The following HBS1L variants were observed in gnomAD, a reference collection of about 807,000 sequenced individuals.
HBS1L encodes the protein HBS1-like protein.
In HBS1L, 55 loss-of-function variants were observed where a neutral mutation model predicts 88.9. That is an observed-to-expected ratio of 0.62 (90% CI 0.50 to 0.77). The LOEUF (loss-of-function observed/expected upper bound fraction) is 0.77. Among genes scored for constraint, HBS1L ranks in the 30% least tolerant of loss-of-function variants. The pLI, the probability that HBS1L is intolerant of heterozygous loss-of-function variation, is 0.00. For missense variants in HBS1L, 741 were observed against 829.3 expected, an observed-to-expected ratio of 0.89 and a Z score of 1.31; for synonymous variants, 267 against 288.5, an observed-to-expected ratio of 0.93 and a Z score of 0.76.
intron 15 of HBS1L, among the ~76,000 whole-genome samples, chr6:134,972,931 AACTT>A (rs1774531102): frequency 6.6e-6 from 1 of 152,186 alleles, no homozygotes; most frequent in Non-Finnish European, 1.5e-5. Context: ...ACTACTAGAA[AACTT>A]GTTATTTAAT....
intron 2 of HBS1L, among the ~76,000 whole-genome samples, chr6:135,048,804 G>C (rs1453963259): frequency 6.6e-6 from 1 of 152,142 alleles, no homozygotes; most frequent in Non-Finnish European, 1.5e-5. Flanking sequence ...ATTAAAAGAT[G>C]AGAGGAAAAG....
intron 5 of HBS1L, among the ~76,000 whole-genome samples, chr6:135,002,390 C>T (rs1039418607): frequency 4.6e-5 from 7 of 152,124 alleles, no homozygotes; most frequent in African/African-American, 7.2e-5. Context: ...CGGGGACTCA[C>T]TCCAAAATCT....
intron 10 of HBS1L, 88 bp downstream of exon 10, chr6:134,986,648 A>C: frequency 1.9e-6 from 1 of 531,996 alleles, no homozygotes; most frequent in Non-Finnish European, 3.2e-6. Context: ...AATAAATTTA[A>C]TAAGAATATC....
chr6:134,985,465 C>A (rs1774953412), intron 11 of HBS1L, 56 bp from the exon 12 acceptor site: 1 of 1,114,884 alleles, frequency 9.0e-7, no homozygotes, highest in Non-Finnish European at 1.3e-6. Flanking sequence ...ATTTTTGACT[C>A]ACTTCAATAA....
chr6:134,969,412 T>A, intron 15 of HBS1L, 74 bp from the exon 16 acceptor site: 1 of 895,660 alleles, frequency 1.1e-6, no homozygotes, highest in Non-Finnish European at 1.8e-6. Flanking sequence ...CACTTATACT[T>A]AATTATCTTC....
At chr6:135,045,890 A>G (rs1455148639) in intron 2 of HBS1L, among the ~76,000 whole-genome samples, 1 of 152,092 alleles carries the variant, frequency 6.6e-6, no homozygotes, top group Non-Finnish European at 1.5e-5. Flanking sequence ...TAAGATTAAG[A>G]AACACTGGTG....
intron 2 of HBS1L, among the ~76,000 whole-genome samples, chr6:135,042,377 A>G (rs561478728): frequency 1.3e-5 from 2 of 152,250 alleles, no homozygotes; most frequent in South Asian, 4.1e-4. Context: ...CATTCCACTC[A>G]GCCTACTTTC....
intron 4 of HBS1L, among the ~76,000 whole-genome samples, chr6:135,004,260 TAAAA>T (rs11336026): frequency 5.6e-4 from 75 of 134,852 alleles, no homozygotes; most frequent in African/African-American, 1.9e-3. Context: ...TACTAAATGA[TAAAA>T]AAAAAAAAAA....
At chr6:135,011,948 GA>G (rs1250217906) in intron 4 of HBS1L, among the ~76,000 whole-genome samples, 4 of 138,006 alleles carry the variant, frequency 2.9e-5, no homozygotes, top group African/African-American at 8.0e-5. Context: ...AAACTAGTGA[GA>G]AAAAAACTCC....
intron 4 of HBS1L, among the ~76,000 whole-genome samples, chr6:135,006,106 C>T (rs569886375): frequency 1.3e-5 from 2 of 152,234 alleles, no homozygotes; most frequent in South Asian, 4.1e-4. Context: ...ACAGAGAAGA[C>T]ATTAACTGCT....
chr6:135,037,670 A>G (rs1257270619), intron 4 of HBS1L: 1 of 1,550,748 alleles, frequency 6.4e-7, no homozygotes, highest in Non-Finnish European at 8.7e-7. Context: ...TGAGGTCTCA[A>G]CAAATCGGCA....
rs1775403263 is a variant in HBS1L at position 134,999,994 on chromosome 6, A to T, written c.540-2338T>A. On this transcript the variant is annotated intron_variant, in intron 5 of 17. Transcript: ENST00000367837. ...ACTGACTGGTATGAATGAAAGAATA[A>T]GTTGGTTGGATTTTTTTCAGGTGCT... Among the ~76,000 whole-genome samples the T allele has an allele frequency of 3.3e-5, 5 of 152,216 alleles. No homozygotes were observed. In the South Asian group the frequency reaches 1.0e-3, roughly 32 times the overall value.
At chr6:134,981,168 T>A (rs1284108447) in intron 13 of HBS1L, among the ~76,000 whole-genome samples, 2 of 151,898 alleles carry the variant, frequency 1.3e-5, no homozygotes, top group Non-Finnish European at 2.9e-5. Flanking sequence ...GGTTTTAATT[T>A]ATGGCTCTTA....
At chr6:135,002,903 T>TAAAG in intron 4 of HBS1L, 61 bp from the exon 5 acceptor site, 1 of 875,028 alleles carries the variant, frequency 1.1e-6, no homozygotes, top group Non-Finnish European at 1.8e-6. Flanking sequence ...AAGAAATCTA[T>TAAAG]TACATAGTAT....
intron 1 of HBS1L, 90 bp downstream of exon 1, chr6:135,054,559 G>C: frequency 2.0e-6 from 3 of 1,465,242 alleles, no homozygotes; most frequent in Non-Finnish European, 2.8e-6. Context: ...CAACACTGAC[G>C]AGAAACTCAC....
intron 13 of HBS1L, among the ~76,000 whole-genome samples, chr6:134,980,639 CT>C (rs1562277933): frequency 6.6e-6 from 1 of 151,806 alleles, no homozygotes. Flanking sequence ...TCTTCTTCCC[CT>C]CAATCATGTT....
Position 135,054,542 on chromosome 6 carries a change from G to T in HBS1L, c.43+107C>A, listed in dbSNP as rs1583169734. The T allele has an allele frequency of 6.8e-6, 9 of 1,324,530 alleles. No individual in the cohort carries two copies. The East Asian group carries it at 2.0e-4, about 29-fold the overall frequency. The allele number at this position is 1,324,530 out of a possible 1,614,324, so 82.0% of individuals were successfully genotyped here. A position where few individuals can be genotyped will look rare whatever the true frequency, so the allele number is the denominator to read the frequency against. ...CCCCAACTGGGGCTCTCCCAATCCC[G>T]ACAGGGCAACACTGACGAGAAACTC... On this transcript the variant is annotated intron_variant, in intron 1 of 17. Coordinates refer to ENST00000367837, the MANE Select transcript of HBS1L (RefSeq NM_006620.4).
intron 4 of HBS1L, among the ~76,000 whole-genome samples, chr6:135,006,929 T>C (rs959671091): frequency 6.6e-6 from 1 of 152,100 alleles, no homozygotes; most frequent in African/African-American, 2.4e-5. Flanking sequence ...ACATAGAGCA[T>C]GAAAATGTCT....
At chr6:134,978,613 C>A in intron 15 of HBS1L, 66 bp downstream of exon 15, 2 of 825,256 alleles carry the variant, frequency 2.4e-6, no homozygotes, top group Admixed American at 2.5e-5. Context: ...AAGAAAGTTA[C>A]CACTTTTAGG....
Sources: gnomAD v4.1 joint callset for allele counts (sites outside exome capture counted in the v4.1 genomes callset) on GRCh38, gnomAD v4.1.1 for gene constraint, MANE v1.5 for transcripts, NCBI Gene and HGNC (gene_info 2026-07-23, HGNC 2026-07-21) for gene names.